ATM: variants seen among roughly 807,000 people sequenced by gnomAD.
ATM encodes ATM serine/threonine kinase, also known as serine-protein kinase ATM.
A neutral mutation model predicts 387.0 loss-of-function variants in ATM; 308 were observed. The ratio of observed to expected loss-of-function variants is 0.80; its 90% CI spans 0.73 to 0.87. The LOEUF (loss-of-function observed/expected upper bound fraction) is 0.87. Among genes scored for constraint, ATM ranks in the 40% least tolerant of loss-of-function variants. The pLI is 0.00. For missense variants in ATM, 3,312 were observed against 3,560.9 expected, an observed-to-expected ratio of 0.93 and a Z score of 1.78; for synonymous variants, 1,156 against 1,187.3, an observed-to-expected ratio of 0.97 and a Z score of 0.54.
intron 29 of ATM, chr11:108,290,339 A>G (rs2082716472): frequency 6.6e-6 from 1 of 152,216 alleles, no homozygotes; most frequent in South Asian, 2.1e-4. Flanking sequence ...AAAAAAGAAA[A>G]TTAGGGCAAG....
chr11:108,286,302 G>T lies in ATM; in HGVS notation c.3994-1298G>T, dbSNP rs1263888. Among the ~76,000 whole-genome samples, 628 of 77,794 alleles carry T rather than the reference G, an allele frequency of 8.1e-3. 3 individuals carry two copies. Among genetic ancestry groups the T allele is most frequent in the Middle Eastern group, 0.034 (2 of 58 alleles). The allele number at this position is 77,794 out of a possible 152,430, so 51.0% of individuals were successfully genotyped here. A position where few individuals can be genotyped will look rare whatever the true frequency, so the allele number is the denominator to read the frequency against. On this transcript the variant is annotated intron_variant, in intron 26 of 62. Coordinates refer to ENST00000675843, the MANE Select transcript of ATM (RefSeq NM_000051.4). ...CATTCCAGCCTGGGCAACAGAGCAA[G>T]ATTTCGTCTCAAAAAAAAAAAAAAA... is the stretch of plus-strand genomic sequence containing the variant.
Position 108,297,269 on chromosome 11 carries a change from T to C in ATM, c.4910-18T>C. On this transcript the variant is annotated intron_variant, in intron 32 of 62. Transcript: ENST00000675843. Reference sequence around the variant, plus strand: ...TCTTCATGCTAGTTTAAACTAATTTTTAAAAAATTATTTCTAGATAATCCG... The same window carrying C: ...TCTTCATGCTAGTTTAAACTAATTTCTAAAAAATTATTTCTAGATAATCCG... 5 of 1,606,652 alleles carry C rather than the reference T, an allele frequency of 3.1e-6. No individual in the cohort carries two copies. Among genetic ancestry groups the C allele is most frequent in the Non-Finnish European group, 4.3e-6 (5 of 1,174,144 alleles).
At chr11:108,265,116 G>A (rs1386793060) in intron 16 of ATM, among the ~76,000 whole-genome samples, 1 of 150,520 alleles carries the variant, frequency 6.6e-6, no homozygotes, top group Non-Finnish European at 1.5e-5. Context: ...TTTCTTCACA[G>A]AATTGGAAAA....
At chr11:108,274,867 G>A (rs1313503073) in intron 22 of ATM, among the ~76,000 whole-genome samples, 1 of 152,218 alleles carries the variant, frequency 6.6e-6, no homozygotes, top group African/African-American at 2.4e-5. Context: ...GGAGAGTTCT[G>A]TAGATGTCTG....
At chr11:108,362,777 T>C (rs547998043) in intron 61 of ATM, among the ~76,000 whole-genome samples, 1,546 of 126,638 alleles carry the variant, frequency 0.012, 42 homozygotes, top group African/African-American at 0.044. Flanking sequence ...GGAAGGGGAA[T>C]ATCACACTCT....
At position 108,227,794 on chromosome 11, in the gene ATM, A is replaced by G. The variant is rs1160192865; in HGVS notation, c.91A>G (p.Lys31Glu). ...TTTTCAGAAAGAAGTTGAGAAATTT[A>G]AGCGCCTGATTCGAGATCCTGAAAC... ...TERKKEVEKF[K>E]RLIRDPETIK... The change falls in exon 3 of 63, where the codon AAG (lysine) becomes GAG (glutamate). Residue 31 changes from lysine (K) to glutamate (E), a missense_variant. Physicochemically the swap from Lys to Glu is moderately conservative, Grantham distance 56. Around this residue, in one of 4 missense-constraint regions of ATM, gnomAD observed 1,791 missense variants for 1,804.5 expected, o/e 0.99. Transcript: ENST00000675843. 1 of 1,613,778 alleles carries G rather than the reference A, an allele frequency of 6.2e-7. No individual in the cohort carries two copies. Among genetic ancestry groups the G allele is most frequent in the South Asian group, 1.1e-5 (1 of 91,058 alleles).
intron 4 of ATM, chr11:108,230,439 CT>C: frequency 6.6e-6 from 1 of 152,216 alleles, no homozygotes; most frequent in East Asian, 1.9e-4. Context: ...AAAAACCTGT[CT>C]TTTGTTACTG....
Position 108,244,075 on chromosome 11 carries a change from T to C in ATM, c.619T>C (p.Ser207Pro). The C allele has an allele frequency of 1.2e-6, 2 of 1,613,922 alleles. No individual in the cohort carries two copies. The highest frequency in any genetic ancestry group is 1.7e-6 in the Non-Finnish European group (2 of 1,179,906). ...CTGTTCTCAGACTGACGGATTAAAT[T>C]CCAAATTTTTGGACTTTTTTTCCAA... ...GCCSQTDGLN[S>P]KFLDFFSKAI... is the part of the protein sequence containing the mutation. The change falls in exon 6 of 63, where the codon TCC (serine) becomes CCC (proline). Residue 207 changes from serine to proline, a missense_variant. By Grantham distance (74) the Ser-to-Pro change is moderately conservative. Transcript: ENST00000675843.
At position 108,284,221 on chromosome 11, in the gene ATM, T is replaced by C. The variant is rs2135704009; in HGVS notation, c.3747-6T>C. 6.3e-7 allele frequency: 1 copy of C among 1,597,860 alleles called. No individual in the cohort carries two copies. Among genetic ancestry groups the C allele is most frequent in the South Asian group, 1.1e-5 (1 of 89,342 alleles). On this transcript the variant is annotated splice_region_variant and splice_polypyrimidine_tract_variant and intron_variant, in intron 25 of 62. Coordinates refer to ENST00000675843, the MANE Select transcript of ATM (RefSeq NM_000051.4). ...TAACCTGTATTTTAAATTTTTCTAT[T>C]TTTAGATCTTGTTATAAGGTTTTGA...
intron 25 of ATM, 98 bp from the exon 26 acceptor site, chr11:108,284,129 A>T (rs2135702351): frequency 1.1e-6 from 1 of 899,576 alleles, no homozygotes; most frequent in Non-Finnish European, 1.7e-6. Flanking sequence ...ATGATACTTT[A>T]ATGCTGATGG....
intron 57 of ATM, among the ~76,000 whole-genome samples, chr11:108,345,447 G>C (rs1459893680): frequency 6.6e-6 from 1 of 152,128 alleles, no homozygotes; most frequent in Non-Finnish European, 1.5e-5. Context: ...AACTACTTAG[G>C]CATTTCTGTG....
intron 15 of ATM, among the ~76,000 whole-genome samples, chr11:108,257,870 T>G (rs2080605566): frequency 6.6e-6 from 1 of 152,142 alleles, no homozygotes; most frequent in South Asian, 2.1e-4. Flanking sequence ...TAAGTTTATT[T>G]TTTACTTTTA....
chr11:108,327,862 A>G (rs1019658254), intron 48 of ATM, 104 bp downstream of exon 48: 5 of 917,744 alleles, frequency 5.4e-6, no homozygotes, highest in Non-Finnish European at 8.6e-6. Flanking sequence ...GTATGGTTTT[A>G]TTTTTCTATA....
intron 61 of ATM, among the ~76,000 whole-genome samples, chr11:108,356,469 G>T (rs894908030): frequency 2.0e-5 from 3 of 151,200 alleles, no homozygotes; most frequent in Admixed American, 2.0e-4. Context: ...CCAGGAGGTG[G>T]AGGTTGTAGT....
intron 16 of ATM, among the ~76,000 whole-genome samples, chr11:108,265,977 G>A (rs1196605959): frequency 6.6e-6 from 1 of 151,430 alleles, no homozygotes; most frequent in Non-Finnish European, 1.5e-5. Context: ...TAAAAAGTCA[G>A]GAAACAACAG....
chr11:108,308,729 T>C, intron 38 of ATM: 1 of 357,070 alleles, frequency 2.8e-6, no homozygotes, highest in South Asian at 4.1e-5. Flanking sequence ...ATGAAATGTT[T>C]TTAAGCCTAA....
At chr11:108,239,210 A>C (rs2079441116) in intron 5 of ATM, among the ~76,000 whole-genome samples, 1 of 152,228 alleles carries the variant, frequency 6.6e-6, no homozygotes, top group African/African-American at 2.4e-5. Context: ...TCTTTCTGCC[A>C]TGTGAAGATA....
At chr11:108,324,811 G>C (rs2085489301) in intron 45 of ATM, among the ~76,000 whole-genome samples, 1 of 152,106 alleles carries the variant, frequency 6.6e-6, no homozygotes, top group African/African-American at 2.4e-5. Context: ...AATAATGTTG[G>C]TAAATGAAAC....
rs749215545 is a variant in ATM at position 108,288,987 on chromosome 11, C to A, written c.4120C>A (p.Pro1374Thr). 1 of 1,613,568 alleles carries A rather than the reference C, an allele frequency of 6.2e-7. No individual in the cohort carries two copies. ...CCTTAACTCTGTTAGGGATTTGGAT[C>A]CTGCTCCTAATCCACCTCATTTTCC... ...DLCDFSGDLD[P>T]APNPPHFPSH... The change falls in exon 28 of 63, where the codon CCT (proline) becomes ACT (threonine). Residue 1374 changes from proline to threonine, a missense_variant. Physicochemically the swap from Pro to Thr is conservative, Grantham distance 38 (BLOSUM62 -1). Transcript: ENST00000675843.
Sources: gnomAD v4.1 joint callset for allele counts (sites outside exome capture counted in the v4.1 genomes callset) on GRCh38, gnomAD v4.1.1 for gene constraint, gnomAD v4.1.1 regional missense constraint, MANE v1.5 for transcripts, NCBI Gene and HGNC (gene_info 2026-07-23, HGNC 2026-07-21) for gene names.